The following FSTL5 variants were observed in gnomAD, a reference collection of about 807,000 sequenced individuals.
FSTL5 encodes follistatin-related protein 5.
In FSTL5, 62 loss-of-function variants were observed where a neutral mutation model predicts 89.1. The observed-to-expected ratio is 0.70, with a 90% confidence interval of 0.57 to 0.86. The LOEUF (loss-of-function observed/expected upper bound fraction) is 0.86, where lower values mean the gene tolerates loss of function less well. Among genes scored for constraint, FSTL5 ranks in the 40% least tolerant of loss-of-function variants. The pLI is 0.00. For synonymous variants in FSTL5, 383 were observed against 346.2 expected (o/e 1.11, Z -1.18); for missense variants, 1,057 against 1,001.6 (o/e 1.06, Z -0.75).
At chr4:161,565,292 A>G (rs1374862174) in intron 8 of FSTL5, among the ~76,000 whole-genome samples, 1 of 151,874 alleles carries the variant, frequency 6.6e-6, no homozygotes, top group African/African-American at 2.4e-5. Context: ...CATTTGATTA[A>G]TATGAAATGT....
intron 13 of FSTL5, among the ~76,000 whole-genome samples, chr4:161,472,063 A>G (rs11100369): frequency 0.99 from 149,656 of 151,472 alleles, 73,953 homozygotes; most frequent in Middle Eastern, 1. Context: ...CACAAGCTCC[A>G]CCTCCCGGGT....
chr4:161,485,489 A>G (rs1210227841), intron 12 of FSTL5, among the ~76,000 whole-genome samples: 1 of 152,212 alleles, frequency 6.6e-6, no homozygotes, highest in Non-Finnish European at 1.5e-5. Flanking sequence ...TTGAACAGGC[A>G]GTTTCAAAGA....
At chr4:161,605,206 T>C (rs893256226) in intron 7 of FSTL5, among the ~76,000 whole-genome samples, 3 of 152,212 alleles carry the variant, frequency 2.0e-5, no homozygotes, top group Admixed American at 2.0e-4. Flanking sequence ...AGGAGTGTTT[T>C]CAATTTGTGA....
intron 6 of FSTL5, among the ~76,000 whole-genome samples, chr4:161,678,953 G>A (rs1737419650): frequency 6.6e-6 from 1 of 151,520 alleles, no homozygotes; most frequent in Admixed American, 6.6e-5. Context: ...AACAAACAAT[G>A]GTAAGTATAA....
At chr4:161,546,292 T>TTA (rs142188672) in intron 8 of FSTL5, among the ~76,000 whole-genome samples, 22,094 of 145,498 alleles carry the variant, frequency 0.15, 2,270 homozygotes, top group East Asian at 0.39. Context: ...TATATACATA[T>TTA]TATATATATA....
chr4:161,733,117 C>G (rs556882352), intron 6 of FSTL5, among the ~76,000 whole-genome samples: 41 of 151,850 alleles, frequency 2.7e-4, no homozygotes, highest in Non-Finnish European at 5.0e-4. Context: ...GTTTCCTGAA[C>G]ATGATTTACT....
chr4:162,065,538 C>G (rs1354188980), intron 2 of FSTL5, among the ~76,000 whole-genome samples: 1 of 151,654 alleles, frequency 6.6e-6, no homozygotes, highest in East Asian at 1.9e-4. Context: ...TAGCTATTAT[C>G]AAAAAGACAA....
intron 1 of FSTL5, among the ~76,000 whole-genome samples, chr4:162,160,712 C>A (rs1733661254): frequency 6.6e-6 from 1 of 151,460 alleles, no homozygotes; most frequent in South Asian, 2.1e-4. Context: ...AGGCAAATAA[C>A]TTCTTAAATA....
In FSTL5 at chr4:161,385,969, C is replaced by A; in HGVS notation, c.2322G>T (p.Gly774=). ...TGAGACTCTTTATCATCTTGACCTT[C>A]CCAGAAGAGAGCTCCACAAAGAGCA... ...TDVLFVELSS[G]KVKMIKSLKE... The change falls in exon 16 of 16, where the codon GGG becomes GGT. Residue 774 remains glycine, a synonymous_variant. Transcript: ENST00000306100. The A allele has an allele frequency of 6.2e-7, 1 of 1,613,940 alleles. No homozygotes were observed. The highest frequency in any genetic ancestry group is 8.5e-7 in the Non-Finnish European group (1 of 1,179,934).
chr4:162,066,083 T>C (rs1271557315), intron 2 of FSTL5, among the ~76,000 whole-genome samples: 1 of 152,106 alleles, frequency 6.6e-6, no homozygotes, highest in Non-Finnish European at 1.5e-5. Flanking sequence ...TTTATATTAA[T>C]GTGATTATGA....
chr4:161,529,310 G>A (rs1400898961), intron 10 of FSTL5, among the ~76,000 whole-genome samples: 1 of 142,602 alleles, frequency 7.0e-6, no homozygotes, highest in Non-Finnish European at 1.5e-5. Flanking sequence ...CACAAGACAG[G>A]TATTTTCGGT....
At chr4:161,747,072 C>A (rs966599839) in intron 6 of FSTL5, among the ~76,000 whole-genome samples, 2 of 152,146 alleles carry the variant, frequency 1.3e-5, no homozygotes, top group Admixed American at 1.3e-4. Flanking sequence ...TTGCCTTTTA[C>A]TGTTTAATTT....
chr4:161,495,410 A>G (rs755644279), intron 12 of FSTL5: 2 of 152,172 alleles, frequency 1.3e-5, no homozygotes, highest in Non-Finnish European at 2.9e-5. Context: ...TTCTGAATCC[A>G]TAAGTCTGAA....
At chr4:161,653,089 A>T (rs1302721416) in intron 7 of FSTL5, among the ~76,000 whole-genome samples, 2 of 152,174 alleles carry the variant, frequency 1.3e-5, no homozygotes, top group Non-Finnish European at 2.9e-5. Context: ...ATTAGACAAC[A>T]TTCTTAGTGG....
chr4:162,079,257 T>G (rs1386547162), intron 2 of FSTL5, among the ~76,000 whole-genome samples: 6 of 151,732 alleles, frequency 4.0e-5, no homozygotes, highest in Non-Finnish European at 7.4e-5. Flanking sequence ...GCAATGAATA[T>G]CCTCTCAAGA....
chr4:162,093,512 T>C (rs1482153959), intron 2 of FSTL5, among the ~76,000 whole-genome samples: 2 of 152,174 alleles, frequency 1.3e-5, no homozygotes, highest in African/African-American at 2.4e-5. Context: ...CCAATCCTGC[T>C]GGGATTAAGG....
intron 15 of FSTL5, among the ~76,000 whole-genome samples, chr4:161,419,231 T>C (rs1368846752): frequency 6.6e-6 from 1 of 152,224 alleles, no homozygotes; most frequent in Non-Finnish European, 1.5e-5. Context: ...TTTCATAGTT[T>C]ATGTCCTCTT....
intron 1 of FSTL5, among the ~76,000 whole-genome samples, chr4:162,154,890 T>A (rs1015803892): frequency 6.6e-6 from 1 of 152,136 alleles, no homozygotes; most frequent in South Asian, 2.1e-4. Flanking sequence ...CTACGACATA[T>A]TAACGAATCC....
At chr4:162,092,935 G>A (rs555363169) in intron 2 of FSTL5, among the ~76,000 whole-genome samples, 12 of 119,870 alleles carry the variant, frequency 1.0e-4, no homozygotes, top group Admixed American at 8.2e-4. Context: ...GTGACAGAGC[G>A]AGACTCTGTC....
Sources: allele counts gnomAD v4.1 joint callset (sites outside exome capture counted in the v4.1 genomes callset), GRCh38; gene constraint gnomAD v4.1.1; transcripts MANE v1.5; gene names NCBI Gene and HGNC (gene_info 2026-07-23, HGNC 2026-07-21).